Variants in ANGEL1 observed in about 807,000 individuals in gnomAD.
ANGEL1 encodes RNA 2',3'-cyclic phosphatase ANGEL1.
Under a neutral mutation model 76.4 loss-of-function variants are expected in ANGEL1, and 62 were observed. That is an observed-to-expected ratio of 0.81 (90% CI 0.66 to 1.00). The LOEUF (loss-of-function observed/expected upper bound fraction) is 1.00. Ranked by LOEUF, ANGEL1 falls within the 50% of genes least tolerant of loss-of-function variation. ANGEL1 has a pLI of 0.00. For missense variants in ANGEL1, 737 were observed against 836.7 expected, an observed-to-expected ratio of 0.88 and a Z score of 1.47; for synonymous variants, 340 against 331.7, an observed-to-expected ratio of 1.03 and a Z score of -0.27.
At chr14:76,791,486 G>A in intron 7 of ANGEL1, 120 bp from the exon 8 acceptor site, 1 of 844,932 alleles carries the variant, frequency 1.2e-6, no homozygotes, top group Non-Finnish European at 1.8e-6. Context: ...GGATCCAGAA[G>A]GAGAAAGGGA....
chr14:76,788,237 T>A lies in ANGEL1; in HGVS notation c.*991A>T, dbSNP rs1356949212. 2 of 152,268 alleles carry A rather than the reference T, an allele frequency of 1.3e-5. No individual in the cohort carries two copies. Among genetic ancestry groups the A allele is most frequent in the Admixed American group, 1.3e-4 (2 of 15,284 alleles). The allele number at this position is 152,268 out of a possible 1,614,324, so 9.4% of individuals were successfully genotyped here. A position where few individuals can be genotyped will look rare whatever the true frequency, so the allele number is the denominator to read the frequency against. ...AGCTGAGGCAGCTGAAGAGTCTACC[T>A]GCTCCTTCCCCTACTGGAACTCCTA... is the stretch of plus-strand genomic sequence containing the variant. On this transcript the variant is annotated 3_prime_UTR_variant, in exon 10 of 10. Coordinates refer to ENST00000251089, the MANE Select transcript of ANGEL1 (RefSeq NM_015305.4).
chr14:76,803,776 A>C lies in ANGEL1; in HGVS notation c.1507+10T>G, dbSNP rs745796615. 8.8e-6 allele frequency: 14 copies of C among 1,594,678 alleles called. No individual in the cohort carries two copies. The highest frequency in any genetic ancestry group is 1.7e-5 in the Admixed American group (1 of 57,176). On this transcript the variant is annotated intron_variant, in intron 6 of 9. Coordinates refer to ENST00000251089, the MANE Select transcript of ANGEL1 (RefSeq NM_015305.4). ...AGACACAGCCAACCAAGAATGTGAC[A>C]TGTGCTCACCTGATCTCTTGGGGTG...
chr14:76,803,744 G>A, intron 6 of ANGEL1, 42 bp downstream of exon 6: 1 of 1,566,612 alleles, frequency 6.4e-7, no homozygotes. Context: ...TCCCAAAATG[G>A]GCATGAAGAC....
At position 76,807,924 on chromosome 14, in the gene ANGEL1, C is replaced by G. The variant is rs1894968690; in HGVS notation, c.874G>C (p.Asp292His). The change falls in exon 3 of 10, where the codon GAT becomes CAT. Residue 292 changes from aspartate to histidine, a missense_variant and splice_region_variant. Transcript: ENST00000251089. The stretch of plus-strand genomic sequence containing the variant: ...GGCAATTCCCCCTCTTCACTCACAT[C>G]AGGGTCCCAGTGCTGGAATTCCTGC... ...LMQEFQHWDP[D>H]ILCLQEVQED... The G allele has an allele frequency of 1.9e-6, 3 of 1,613,782 alleles. No homozygotes were observed. Among genetic ancestry groups the G allele is most frequent in the Non-Finnish European group, 2.5e-6 (3 of 1,179,998 alleles).
chr14:76,806,755 G>A lies in ANGEL1; in HGVS notation c.1041C>T (p.Ser347=). 2 of 1,614,160 alleles carry A rather than the reference G, an allele frequency of 1.2e-6. No individual in the cohort carries two copies. Among genetic ancestry groups the A allele is most frequent in the Non-Finnish European group, 1.7e-6 (2 of 1,180,044 alleles). Residue 347 remains serine (S), a synonymous_variant, in exon 5 of 10, where the codon AGC becomes AGT. Transcript: ENST00000251089. ...AGCCAGGCCGGAAGTACTCCACAGGGCTAGCACAGAGCAGGCGGAATCTGG... is the reference window on the plus strand; with the variant it reads ...AGCCAGGCCGGAAGTACTCCACAGGACTAGCACAGAGCAGGCGGAATCTGG... ...KPTRFRLLCA[S]PVEYFRPGLE...
Position 76,806,467 on chromosome 14 carries a change from G to A in ANGEL1, c.1329C>T (p.Tyr443=). ...GGAGCTCTCCATCCCTGATGAAGTT[G>A]TAGAGAGGTGAATCAGGGACAGAAT... ...DLNSVPDSPL[Y]NFIRDGELQY... is the part of the protein sequence containing the mutation. Residue 443 remains tyrosine (Y), a synonymous_variant, in exon 5 of 10, where the codon TAC becomes TAT. Transcript: ENST00000251089. 1.9e-6 allele frequency: 3 copies of A among 1,614,150 alleles called. No homozygotes were observed. Among genetic ancestry groups the A allele is most frequent in the Non-Finnish European group, 2.5e-6 (3 of 1,180,034 alleles).
At chr14:76,793,744 C>A (rs955164010) in intron 7 of ANGEL1, among the ~76,000 whole-genome samples, 3 of 151,702 alleles carry the variant, frequency 2.0e-5, no homozygotes, top group African/African-American at 7.3e-5. Flanking sequence ...AGTCCCCCAG[C>A]GGATGCCTGA....
intron 7 of ANGEL1, among the ~76,000 whole-genome samples, chr14:76,795,327 C>T (rs966355981): frequency 6.6e-6 from 1 of 152,100 alleles, no homozygotes; most frequent in African/African-American, 2.4e-5. Flanking sequence ...TGAACTATCC[C>T]TATACTTCTA....
In ANGEL1 at chr14:76,806,521, G is replaced by A. The variant is rs1268297640; in HGVS notation, c.1275C>T (p.His425=). ...GGTCCCCGCACAAGATGATGGGGCA[G>A]TGGCTGCCATCTGACAGTCTGGCCA... ...DKVARLSDGS[H]CPIILCGDLN... The change falls in exon 5 of 10, where the codon CAC becomes CAT. Residue 425 remains histidine (H), a synonymous_variant. Transcript: ENST00000251089. 6.2e-7 allele frequency: 1 copy of A among 1,614,138 alleles called. No homozygotes were observed. The highest frequency in any genetic ancestry group is 1.3e-5 in the African/African-American group (1 of 74,950).
intron 2 of ANGEL1, among the ~76,000 whole-genome samples, chr14:76,808,804 G>A (rs1268613030): frequency 6.6e-6 from 1 of 152,184 alleles, no homozygotes; most frequent in Non-Finnish European, 1.5e-5. Context: ...TATGCTTTCA[G>A]TTCTTCCCCT....
At chr14:76,811,993 G>A (rs1489155330) in intron 1 of ANGEL1, among the ~76,000 whole-genome samples, 1 of 152,172 alleles carries the variant, frequency 6.6e-6, no homozygotes, top group Admixed American at 6.5e-5. Context: ...TAAATTAAAG[G>A]CAAAAAGTCT....
chr14:76,811,249 T>G (rs1332358681), intron 1 of ANGEL1, among the ~76,000 whole-genome samples: 1 of 152,204 alleles, frequency 6.6e-6, no homozygotes, highest in African/African-American at 2.4e-5. Flanking sequence ...TGAGAAACCC[T>G]GCTCTAAACC....
At chr14:76,789,478 T>G (rs1271202397) in intron 9 of ANGEL1, 90 bp from the exon 10 acceptor site, 14 of 1,483,658 alleles carry the variant, frequency 9.4e-6, no homozygotes, top group Non-Finnish European at 1.2e-5. Flanking sequence ...GAACGCCTTC[T>G]GCAGGCTGCA....
intron 7 of ANGEL1, among the ~76,000 whole-genome samples, chr14:76,801,955 G>A (rs568286118): frequency 2.0e-5 from 3 of 151,778 alleles, no homozygotes; most frequent in South Asian, 4.2e-4. Flanking sequence ...TCAGGAGTTC[G>A]AGACCAGCCT....
At position 76,812,777 on chromosome 14, in the gene ANGEL1, G is replaced by T; in HGVS notation, c.51C>A (p.Phe17Leu). The change falls in exon 1 of 10, where the codon TTC (phenylalanine) becomes TTA (leucine). Residue 17 changes from phenylalanine (F) to leucine (L), a missense_variant. Around this residue, in one of 2 missense-constraint regions of ANGEL1, gnomAD observed 441 missense variants for 449.5 expected, o/e 0.98. Transcript: ENST00000251089. ...CCTGGCCGGTACCTGAGAGGGCGCG[G>T]AAGAGGCGCGTGGCCGGCAGCAGCA... is the stretch of plus-strand genomic sequence containing the variant. ...CYLLLPATRL[F>L]RALSDAFFTC... The T allele has an allele frequency of 6.6e-7, 1 of 1,522,970 alleles. No homozygotes were observed. 94.3% of individuals were successfully genotyped at this position (1,522,970 alleles called of 1,614,324 possible).
chr14:76,799,352 G>T (rs113278023), intron 7 of ANGEL1, among the ~76,000 whole-genome samples: 1 of 128,552 alleles, frequency 7.8e-6, no homozygotes, highest in Admixed American at 9.9e-5. Context: ...GGAGTACAGC[G>T]GTGTAATCTC....
At chr14:76,791,454 C>A in intron 7 of ANGEL1, 88 bp from the exon 8 acceptor site, 1 of 1,247,162 alleles carries the variant, frequency 8.0e-7, no homozygotes, top group Non-Finnish European at 1.2e-6. Flanking sequence ...CCTCTCAGAT[C>A]CTTGACTGGA....
intron 7 of ANGEL1, among the ~76,000 whole-genome samples, chr14:76,799,351 C>A (rs986095788): frequency 8.5e-6 from 1 of 117,808 alleles, no homozygotes; most frequent in African/African-American, 3.3e-5. Context: ...TGGAGTACAG[C>A]GGTGTAATCT....
At chr14:76,791,430 T>G in intron 7 of ANGEL1, 64 bp from the exon 8 acceptor site, 3 of 1,497,474 alleles carry the variant, frequency 2.0e-6, no homozygotes. Context: ...ATCAGAACCT[T>G]TCACCCTAAA....
Sources: gnomAD v4.1 joint callset for allele counts (sites outside exome capture counted in the v4.1 genomes callset) on GRCh38, gnomAD v4.1.1 for gene constraint, gnomAD v4.1.1 regional missense constraint, MANE v1.5 for transcripts, NCBI Gene and HGNC (gene_info 2026-07-23, HGNC 2026-07-21) for gene names.